ENTHD1: variants seen among roughly 807,000 people sequenced by gnomAD.
ENTHD1 encodes ENTH domain containing 1, also known as ENTH domain-containing protein 1.
A neutral mutation model predicts 39.1 loss-of-function variants in ENTHD1; 23 were observed. The observed-to-expected ratio is 0.59, with a 90% CI of 0.42 to 0.83. The LOEUF is 0.83. ENTHD1 is among the 40% of genes least tolerant of loss of function. The pLI is 0.00. For synonymous variants in ENTHD1, 230 were observed against 258.2 expected (o/e 0.89, Z 1.05); for missense variants, 624 against 705.4 (o/e 0.88, Z 1.31).
chr22:39,745,048 A>G (rs2065092779), intron 6 of ENTHD1, among the ~76,000 whole-genome samples: 2 of 152,232 alleles, frequency 1.3e-5, no homozygotes, highest in South Asian at 4.1e-4. Context: ...GATGTTTTGT[A>G]AAAACAGGCT....
intron 2 of ENTHD1, among the ~76,000 whole-genome samples, chr22:39,882,333 A>C (rs925204525): frequency 1.3e-5 from 2 of 152,226 alleles, no homozygotes; most frequent in African/African-American, 4.8e-5. Context: ...GGATAGAGGG[A>C]AAAAGGATTC....
At chr22:39,783,489 T>C (rs2065428423) in intron 5 of ENTHD1, among the ~76,000 whole-genome samples, 2 of 152,014 alleles carry the variant, frequency 1.3e-5, no homozygotes, top group Non-Finnish European at 2.9e-5. Context: ...TCACACTACC[T>C]CACTTTAAAA....
intron 5 of ENTHD1, among the ~76,000 whole-genome samples, chr22:39,810,363 G>A (rs969842581): frequency 2.0e-5 from 3 of 152,142 alleles, no homozygotes; most frequent in African/African-American, 7.2e-5. Context: ...ACCTCACACC[G>A]AATCCAGCTA....
intron 3 of ENTHD1, among the ~76,000 whole-genome samples, chr22:39,843,354 G>T (rs372111115): frequency 6.7e-6 from 1 of 150,012 alleles, no homozygotes; most frequent in African/African-American, 2.5e-5. Context: ...GTAAACTATC[G>T]CAAGAACAAA....
At chr22:39,804,996 C>G (rs767083278) in intron 5 of ENTHD1, among the ~76,000 whole-genome samples, 28 of 152,154 alleles carry the variant, frequency 1.8e-4, no homozygotes, top group Admixed American at 3.3e-4. Flanking sequence ...AAGGATGTCC[C>G]TGGCGAGGGA....
At chr22:39,882,864 A>C (rs1339826185) in intron 2 of ENTHD1, among the ~76,000 whole-genome samples, 1 of 151,926 alleles carries the variant, frequency 6.6e-6, no homozygotes, top group East Asian at 1.9e-4. Flanking sequence ...TTAGCAGGGC[A>C]TGGTGGCAGG....
Position 39,829,790 on chromosome 22 carries a change from CAATAAATA to C in ENTHD1, c.711+6042_711+6049del, listed in dbSNP as rs10657076. On this transcript the variant is annotated intron_variant, in intron 4 of 6. Transcript: ENST00000325157. Reference sequence around the variant, plus strand: ...TGGGTGGCATAGAGAGACTCTGTCTCAATAAATAAATAAATAAATAAATAAATAAATAA... The same window carrying C: ...TGGGTGGCATAGAGAGACTCTGTCTCAATAAATAAATAAATAAATAAATAA... Among the ~76,000 whole-genome samples, 1,100 of 143,394 alleles carry C rather than the reference CAATAAATA, an allele frequency of 7.7e-3. 3 individuals carry two copies. Among genetic ancestry groups the C allele is most frequent in the African/African-American group, 9.5e-3 (371 of 39,102 alleles). The allele number at this position is 143,394 out of a possible 152,430, so 94.1% of individuals were successfully genotyped here.
chr22:39,763,082 A>T lies in ENTHD1; in HGVS notation c.1219+2141T>A, dbSNP rs1482620587. ...TCTAGGTGAAATAGGTTTTATTAAT[A>T]GTATTTGTGAGGGCTGCTCAACTTC... On this transcript the variant is annotated intron_variant, in intron 6 of 6. Transcript: ENST00000325157. 2.0e-5 allele frequency among the ~76,000 whole-genome samples: 3 copies of T among 152,176 alleles called. No individual in the cohort carries two copies. The East Asian group carries it at 5.8e-4, about 29-fold the overall frequency.
intron 6 of ENTHD1, among the ~76,000 whole-genome samples, chr22:39,749,774 T>TA (rs753818950): frequency 6.6e-6 from 1 of 152,174 alleles, no homozygotes; most frequent in Non-Finnish European, 1.5e-5. Flanking sequence ...GGACCGGTGA[T>TA]AGGTTAGCTG....
chr22:39,874,145 A>C (rs369428947), intron 2 of ENTHD1: 2 of 152,164 alleles, frequency 1.3e-5, no homozygotes, highest in Non-Finnish European at 2.9e-5. Flanking sequence ...AACAGCACAC[A>C]AAAGACCTGC....
At chr22:39,782,281 T>C (rs944625626) in intron 5 of ENTHD1, among the ~76,000 whole-genome samples, 42 of 152,206 alleles carry the variant, frequency 2.8e-4, no homozygotes, top group African/African-American at 1.0e-3. Context: ...AGAGAGACTC[T>C]GTCTCAAAAA....
intron 5 of ENTHD1, among the ~76,000 whole-genome samples, chr22:39,781,617 T>TA (rs2065410834): frequency 6.6e-6 from 1 of 151,600 alleles, no homozygotes; most frequent in Non-Finnish European, 1.5e-5. Flanking sequence ...GAAGCAGGAA[T>TA]AAACCCAAAC....
At chr22:39,862,501 T>C (rs561624916) in intron 2 of ENTHD1, among the ~76,000 whole-genome samples, 17 of 149,730 alleles carry the variant, frequency 1.1e-4, no homozygotes, top group African/African-American at 3.7e-4. Context: ...TGAGCTGAGA[T>C]TGCACCACTG....
At chr22:39,782,791 A>G (rs2065420806) in intron 5 of ENTHD1, among the ~76,000 whole-genome samples, 2 of 152,198 alleles carry the variant, frequency 1.3e-5, no homozygotes, top group African/African-American at 4.8e-5. Flanking sequence ...AACATAATAA[A>G]GGCCATATAT....
At chr22:39,799,331 G>A (rs2146613710) in intron 5 of ENTHD1, among the ~76,000 whole-genome samples, 1 of 152,306 alleles carries the variant, frequency 6.6e-6, no homozygotes, top group African/African-American at 2.4e-5. Context: ...TTGTGCCATG[G>A]GCAGCCTCCC....
chr22:39,789,404 TA>T (rs1279341561), intron 5 of ENTHD1, among the ~76,000 whole-genome samples: 4 of 152,196 alleles, frequency 2.6e-5, no homozygotes, highest in African/African-American at 9.6e-5. Context: ...CTTCCATTCG[TA>T]CCTTTCAACT....
chr22:39,853,711 C>T (rs2066062749), intron 3 of ENTHD1, among the ~76,000 whole-genome samples: 1 of 151,980 alleles, frequency 6.6e-6, no homozygotes, highest in Non-Finnish European at 1.5e-5. Context: ...GTAGCTAGGA[C>T]TATAGGCAAC....
chr22:39,818,984 G>A (rs138055632), intron 5 of ENTHD1, among the ~76,000 whole-genome samples: 1 of 152,218 alleles, frequency 6.6e-6, no homozygotes, highest in African/African-American at 2.4e-5. Context: ...GTAGGTGAAT[G>A]GATAAATAAA....
At chr22:39,819,543 A>C (rs1431803352) in intron 5 of ENTHD1, among the ~76,000 whole-genome samples, 2 of 152,152 alleles carry the variant, frequency 1.3e-5, no homozygotes, top group Non-Finnish European at 2.9e-5. Flanking sequence ...GGAAAAGGAA[A>C]AACTATGGAG....
Sources: gnomAD v4.1 joint callset for allele counts (sites outside exome capture counted in the v4.1 genomes callset) on GRCh38, gnomAD v4.1.1 for gene constraint, MANE v1.5 for transcripts, NCBI Gene and HGNC (gene_info 2026-07-23, HGNC 2026-07-21) for gene names.